ZNF717: variants seen among roughly 807,000 people sequenced by gnomAD.
The protein encoded by ZNF717 is krueppel-like factor X17.
A neutral mutation model predicts 13.8 loss-of-function variants in ZNF717; 9 were observed. The ratio of observed to expected loss-of-function variants is 0.65; its 90% CI spans 0.39 to 1.14. ZNF717 has a LOEUF of 1.14. Among genes scored for constraint, ZNF717 ranks in the 50% most tolerant of loss-of-function variants. ZNF717 has a pLI of 0.01. For synonymous variants in ZNF717, 327 were observed against 364.1 expected (o/e 0.90, Z 1.16); for missense variants, 1,040 against 1,080.7 (o/e 0.96, Z 0.53).
At chr3:75,715,978 GT>G (rs63089262) in intron 5 of ZNF717, among the ~76,000 whole-genome samples, 62,246 of 143,800 alleles carry the variant, frequency 0.43, 13,592 homozygotes, top group East Asian at 0.64. Context: ...TTGTTTTTTT[GT>G]TTTTTTTTTT....
intron 2 of ZNF717, among the ~76,000 whole-genome samples, chr3:75,776,458 T>C (rs1944330258): frequency 6.6e-6 from 1 of 152,212 alleles, no homozygotes; most frequent in African/African-American, 2.4e-5. Context: ...AGAGGGTTGA[T>C]GTTAAAACAG....
At chr3:75,711,155 T>A (rs181209522) in exon 6 of ZNF717, 62 of 152,342 alleles carry the variant, frequency 4.1e-4, no homozygotes, top group African/African-American at 1.4e-3. Flanking sequence ...GAGAAACAGA[T>A]ATTTATTGAG....
chr3:75,745,243 A>C (rs1941029589), intron 2 of ZNF717, among the ~76,000 whole-genome samples: 1 of 151,566 alleles, frequency 6.6e-6, no homozygotes, highest in Non-Finnish European at 1.5e-5. Context: ...TTTGTAATGT[A>C]AAATGTCAGG....
chr3:75,775,006 G>A (rs190520870), intron 2 of ZNF717, among the ~76,000 whole-genome samples: 2 of 152,190 alleles, frequency 1.3e-5, no homozygotes, highest in East Asian at 3.9e-4. Context: ...TTGTCACCCA[G>A]GCTGGAGTGC....
intron 2 of ZNF717, among the ~76,000 whole-genome samples, chr3:75,759,073 T>C (rs1942745448): frequency 6.6e-6 from 1 of 151,972 alleles, no homozygotes; most frequent in African/African-American, 2.4e-5. Flanking sequence ...GTGTACACTT[T>C]GTAGACATAT....
chr3:75,700,964 T>A (rs1276347946), intron 6 of ZNF717, among the ~76,000 whole-genome samples: 1 of 152,280 alleles, frequency 6.6e-6, no homozygotes, highest in Non-Finnish European at 1.5e-5. Flanking sequence ...CAGAAAGCCT[T>A]TTTAAGGTGA....
At chr3:75,769,010 T>C (rs1292591051) in intron 2 of ZNF717, among the ~76,000 whole-genome samples, 1 of 152,088 alleles carries the variant, frequency 6.6e-6, no homozygotes, top group Non-Finnish European at 1.5e-5. Flanking sequence ...ATAATTTGCA[T>C]GTGGGAGAAA....
intron 2 of ZNF717, among the ~76,000 whole-genome samples, chr3:75,780,194 G>C (rs1449814586): frequency 6.6e-6 from 1 of 151,900 alleles, no homozygotes; most frequent in Non-Finnish European, 1.5e-5. Flanking sequence ...AAAACAATGG[G>C]AGTGACGTGC....
At position 75,736,650 on chromosome 3, in the gene ZNF717, G is replaced by T. The variant is rs1939260205; in HGVS notation, c.*228C>A. 1 of 516,218 alleles carries T rather than the reference G, an allele frequency of 1.9e-6. No homozygotes were observed. Among genetic ancestry groups the T allele is most frequent in the Non-Finnish European group, 3.3e-6 (1 of 298,536 alleles). 32.0% of individuals were successfully genotyped at this position (516,218 alleles called of 1,614,324 possible). A position where few individuals can be genotyped will look rare whatever the true frequency, so the allele number is the denominator to read the frequency against. On this transcript the variant is annotated 3_prime_UTR_variant, in exon 5 of 5. Transcript: ENST00000652011. ...GAAGAAATGTTTGAAGCTGGCAGAGGTTGGTATATGAGCTTCTAGGAAAAC... is the reference window on the plus strand; with the variant it reads ...GAAGAAATGTTTGAAGCTGGCAGAGTTTGGTATATGAGCTTCTAGGAAAAC...
At chr3:75,719,091 T>G (rs1938119655) in intron 4 of ZNF717, among the ~76,000 whole-genome samples, 1 of 151,986 alleles carries the variant, frequency 6.6e-6, no homozygotes, top group South Asian at 2.1e-4. Context: ...CCCAGGAGTT[T>G]GAGACCAACC....
At chr3:75,740,928 C>T (rs1229434607) in intron 4 of ZNF717, among the ~76,000 whole-genome samples, 4 of 150,688 alleles carry the variant, frequency 2.7e-5, no homozygotes, top group Non-Finnish European at 5.9e-5. Flanking sequence ...ACTTAAGATA[C>T]ATTCAAAGGA....
chr3:75,774,210 A>G (rs1944127010), intron 2 of ZNF717, among the ~76,000 whole-genome samples: 1 of 150,848 alleles, frequency 6.6e-6, no homozygotes, highest in African/African-American at 2.4e-5. Context: ...AAAAGGAAAA[A>G]CAAGAGGCAG....
intron 6 of ZNF717, among the ~76,000 whole-genome samples, chr3:75,698,153 A>ACT: frequency 4.5e-4 from 1 of 2,200 alleles, no homozygotes; most frequent in Non-Finnish European, 1.4e-3. Flanking sequence ...TCTAGCAAAA[A>ACT]AAAAAAAAAA....
intron 4 of ZNF717, 33 bp downstream of exon 4, chr3:75,741,243 C>G (rs151121572): frequency 5.4e-3 from 5,330 of 981,022 alleles, no homozygotes; most frequent in Admixed American, 8.7e-3. Context: ...CATTACTCCT[C>G]CAGGCCTCCC....
chr3:75,694,854 G>A (rs1378995584), intron 6 of ZNF717, among the ~76,000 whole-genome samples: 6 of 151,724 alleles, frequency 4.0e-5, no homozygotes, highest in African/African-American at 1.4e-4. Context: ...CGTACAAAAA[G>A]TAAAAAGCAA....
downstream of ZNF717, among the ~76,000 whole-genome samples, chr3:75,729,475 T>G (rs1938385240): frequency 6.6e-6 from 1 of 152,118 alleles, no homozygotes; most frequent in Non-Finnish European, 1.5e-5. Flanking sequence ...ATTAGCCAAG[T>G]GTGGTGGTGC....
chr3:75,722,549 A>T (rs1938190124), intron 4 of ZNF717, among the ~76,000 whole-genome samples: 1 of 152,114 alleles, frequency 6.6e-6, no homozygotes, highest in Non-Finnish European at 1.5e-5. Context: ...GTGTGGTGGC[A>T]CATGCCTATA....
chr3:75,782,752 T>C (rs1944905712), intron 2 of ZNF717, among the ~76,000 whole-genome samples: 1 of 152,164 alleles, frequency 6.6e-6, no homozygotes, highest in African/African-American at 2.4e-5. Context: ...CATGCCGTGC[T>C]TTAGCGGACG....
At chr3:75,731,572 G>GAA (rs57965876), downstream of ZNF717, among the ~76,000 whole-genome samples, 75 of 140,596 alleles carry the variant, frequency 5.3e-4, no homozygotes, top group African/African-American at 7.4e-4. Context: ...AAAAAAGGAA[G>GAA]AAAAAAAAAA....
Sources: gnomAD v4.1 joint callset for allele counts (sites outside exome capture counted in the v4.1 genomes callset) on GRCh38, gnomAD v4.1.1 for gene constraint, MANE v1.5 for transcripts, NCBI Gene and HGNC (gene_info 2026-07-23, HGNC 2026-07-21) for gene names.